The following NCOA1 variants were observed in gnomAD, a reference collection of about 807,000 sequenced individuals.
The protein encoded by NCOA1 is Hin-2 protein.
NCOA1 carries 35 observed loss-of-function variants against 150.9 expected under a neutral mutation model. The observed-to-expected ratio is 0.23, with a 90% confidence interval of 0.18 to 0.31. The LOEUF is 0.31. NCOA1 is among the 10% of genes least tolerant of loss of function. The pLI, the probability that NCOA1 is intolerant of heterozygous loss-of-function variation, is 1.00. For synonymous variants in NCOA1, 590 were observed against 630.0 expected (o/e 0.94, Z 0.95); for missense variants, 1,491 against 1,749.3 (o/e 0.85, Z 2.63).
Position 24,770,251 on chromosome 2 carries a change from C to T in NCOA1, c.*1860C>T, listed in dbSNP as rs534831763. 5.0e-4 allele frequency: 116 copies of T among 230,934 alleles called. No homozygotes were observed. The highest frequency in any genetic ancestry group is 8.2e-4 in the Non-Finnish European group (96 of 116,420). 14.3% of individuals were successfully genotyped at this position (230,934 alleles called of 1,614,324 possible). ...ACCAAACTGCTCTAGAAGGTCATTT[C>T]CATTTTGTTTGTGATATTTAGACGC... is the stretch of plus-strand genomic sequence containing the variant. On this transcript the variant is annotated 3_prime_UTR_variant, in exon 23 of 23. Coordinates refer to ENST00000348332, the MANE Select transcript of NCOA1 (RefSeq NM_003743.5).
At chr2:24,723,869 C>A (rs765328701) in intron 14 of NCOA1, among the ~76,000 whole-genome samples, 3 of 152,066 alleles carry the variant, frequency 2.0e-5, no homozygotes, top group Non-Finnish European at 2.9e-5. Flanking sequence ...CCAGAAACTT[C>A]CTTAACAACA....
At chr2:24,642,446 G>A (rs1670276398) in intron 3 of NCOA1, among the ~76,000 whole-genome samples, 1 of 151,616 alleles carries the variant, frequency 6.6e-6, no homozygotes, top group Admixed American at 6.6e-5. Flanking sequence ...CTTTTCTCCT[G>A]ATCTGGAGTT....
rs531744456 is a variant in NCOA1 at position 24,582,041 on chromosome 2, A to G, written c.-259-2435A>G. Among the ~76,000 whole-genome samples the G allele has an allele frequency of 6.4e-4, 97 of 152,316 alleles. No homozygotes were observed. In the Middle Eastern group the frequency reaches 0.017, roughly 27 times the overall value. On this transcript the variant is annotated intron_variant, in intron 2 of 22. Coordinates refer to ENST00000348332, the MANE Select transcript of NCOA1 (RefSeq NM_003743.5). ...AGTTGAAAGTTTTTCCTTTAAGGAA[A>G]GGAATAAGGCAAGGATGCCCACTTT...
intron 1 of NCOA1, among the ~76,000 whole-genome samples, chr2:24,529,706 C>CT (rs552255364): frequency 6.6e-6 from 1 of 152,280 alleles, no homozygotes; most frequent in South Asian, 2.1e-4. Context: ...CTTTTTAACA[C>CT]TTTCCTCCAT....
intron 1 of NCOA1, among the ~76,000 whole-genome samples, chr2:24,499,162 T>G (rs1663351452): frequency 6.6e-6 from 1 of 152,232 alleles, no homozygotes; most frequent in Non-Finnish European, 1.5e-5. Flanking sequence ...CCTACTATTT[T>G]GAAGTCTACA....
rs758280152 is a variant in NCOA1 at position 24,749,032 on chromosome 2, AAAAG to A, written c.3707-2939_3707-2936del. ...CTGTGAGATGTATTTTGTCAGGAAAAAAAGAAAGAAAGAACACAGTGCTAGCATT... is the reference window on the plus strand; with the variant it reads ...CTGTGAGATGTATTTTGTCAGGAAAAAAAGAAAGAACACAGTGCTAGCATT... On this transcript the variant is annotated intron_variant, in intron 19 of 22. Coordinates refer to ENST00000348332, the MANE Select transcript of NCOA1 (RefSeq NM_003743.5). 8.6e-4 allele frequency among the ~76,000 whole-genome samples: 131 copies of A among 152,352 alleles called. 1 individual carries two copies. Among genetic ancestry groups the A allele is most frequent in the African/African-American group, 2.7e-3 (114 of 41,582 alleles).
At chr2:24,604,321 A>G (rs191602249) in intron 3 of NCOA1, among the ~76,000 whole-genome samples, 2 of 152,322 alleles carry the variant, frequency 1.3e-5, no homozygotes, top group Non-Finnish European at 2.9e-5. Flanking sequence ...GCCCCTAATA[A>G]GAGTTGAGTT....
chr2:24,553,304 C>T (rs1253810369), intron 1 of NCOA1, among the ~76,000 whole-genome samples: 2 of 151,912 alleles, frequency 1.3e-5, no homozygotes, highest in African/African-American at 4.8e-5. Context: ...CTGCAGCCTC[C>T]ACCTCCCAAG....
chr2:24,496,596 G>C (rs1177074318), intron 1 of NCOA1, among the ~76,000 whole-genome samples: 1 of 152,142 alleles, frequency 6.6e-6, no homozygotes, highest in Non-Finnish European at 1.5e-5. Context: ...TCTTTTGAGA[G>C]AGATTCTCTT....
chr2:24,584,652 G>A (rs1224880829), intron 3 of NCOA1, 92 bp downstream of exon 3: 1 of 152,136 alleles, frequency 6.6e-6, no homozygotes, highest in African/African-American at 2.4e-5. Flanking sequence ...TTGGGCACTG[G>A]GAAGAAAATT....
chr2:24,738,554 G>C (rs1202359781), intron 17 of NCOA1, among the ~76,000 whole-genome samples: 1 of 152,092 alleles, frequency 6.6e-6, no homozygotes, highest in Non-Finnish European at 1.5e-5. Flanking sequence ...ACAGAAAATT[G>C]TTCTGAGAGA....
intron 3 of NCOA1, among the ~76,000 whole-genome samples, chr2:24,586,793 A>T (rs1667431010): frequency 2.0e-5 from 3 of 151,986 alleles, no homozygotes; most frequent in Admixed American, 2.0e-4. Context: ...ACACATATGC[A>T]ACTTGGAATT....
chr2:24,636,108 A>G (rs1360139788), intron 3 of NCOA1, among the ~76,000 whole-genome samples: 1 of 152,178 alleles, frequency 6.6e-6, no homozygotes, highest in Non-Finnish European at 1.5e-5. Flanking sequence ...ATCGGTTTGT[A>G]TTTATTGATA....
At chr2:24,572,622 A>C (rs1272364386) in intron 2 of NCOA1, among the ~76,000 whole-genome samples, 1 of 152,158 alleles carries the variant, frequency 6.6e-6, no homozygotes, top group Non-Finnish European at 1.5e-5. Flanking sequence ...ATAGCTAGTT[A>C]AAAGTTATGG....
intron 4 of NCOA1, among the ~76,000 whole-genome samples, chr2:24,656,869 A>G (rs1364886169): frequency 6.6e-6 from 1 of 152,154 alleles, no homozygotes; most frequent in Non-Finnish European, 1.5e-5. Context: ...ATATCTGTTG[A>G]TGGACACTTA....
intron 3 of NCOA1, among the ~76,000 whole-genome samples, chr2:24,629,817 C>CAT (rs57598398): frequency 0.013 from 1,019 of 79,286 alleles, 7 homozygotes; most frequent in South Asian, 0.03. Context: ...AACATACATA[C>CAT]ATATATATAT....
rs1303840224 is a variant in NCOA1, at chr2:24,707,837, C to T, written c.2367C>T (p.Thr789=). Residue 789 remains threonine (T), a synonymous_variant, in exon 13 of 23, where the codon ACC becomes ACT. Transcript: ENST00000348332. ...EQMDPCNTNP[T]PMTKPTPEEI... ...TGGATCCATGTAATACAAACCCAACCCCAATGACCAAACCCACTCCTGAGG... is the reference window on the plus strand; with the variant it reads ...TGGATCCATGTAATACAAACCCAACTCCAATGACCAAACCCACTCCTGAGG... The T allele has an allele frequency of 3.7e-6, 6 of 1,612,574 alleles. No individual in the cohort carries two copies. The highest frequency in any genetic ancestry group is 5.1e-6 in the Non-Finnish European group (6 of 1,179,670).
chr2:24,569,552 A>ACTT (rs1666649455), intron 2 of NCOA1, among the ~76,000 whole-genome samples: 1 of 93,794 alleles, frequency 1.1e-5, no homozygotes, highest in Admixed American at 1.6e-4. Context: ...GGTTTTATTA[A>ACTT]TTTTTTTTTT....
chr2:24,547,803 G>A (rs1665662028), intron 1 of NCOA1, among the ~76,000 whole-genome samples: 1 of 151,798 alleles, frequency 6.6e-6, no homozygotes, highest in Non-Finnish European at 1.5e-5. Flanking sequence ...GCTGACTAAC[G>A]TGGTGAAACC....
Sources: gnomAD v4.1 joint callset for allele counts (sites outside exome capture counted in the v4.1 genomes callset) on GRCh38, gnomAD v4.1.1 for gene constraint, MANE v1.5 for transcripts, NCBI Gene and HGNC (gene_info 2026-07-23, HGNC 2026-07-21) for gene names.